NR1H4: variants seen among roughly 807,000 people sequenced by gnomAD.
The protein encoded by NR1H4 is bile acid receptor.
Under a neutral mutation model 58.5 loss-of-function variants are expected in NR1H4, and 23 were observed. That is an observed-to-expected ratio of 0.39 (90% CI 0.28 to 0.56). The LOEUF (loss-of-function observed/expected upper bound fraction) is 0.56. NR1H4 is among the 20% of genes least tolerant of loss of function. NR1H4 has a pLI of 0.58. For missense variants in NR1H4, 487 were observed against 576.9 expected (o/e 0.84, Z 1.60); for synonymous variants, 214 against 198.0 (o/e 1.08, Z -0.68).
chr12:100,542,205 G>A (rs1954954077), intron 9 of NR1H4, among the ~76,000 whole-genome samples: 1 of 152,008 alleles, frequency 6.6e-6, no homozygotes, highest in African/African-American at 2.4e-5. Flanking sequence ...AAATTAGCTG[G>A]GCATGGTAGT....
At chr12:100,534,749 TA>T in intron 5 of NR1H4, 140 bp from the exon 6 acceptor site, 1 of 935,862 alleles carries the variant, frequency 1.1e-6, no homozygotes, top group Non-Finnish European at 1.7e-6. Context: ...CTTCCCTTTC[TA>T]AAATGCATAA....
chr12:100,506,406 G>T (rs561652358), intron 3 of NR1H4, among the ~76,000 whole-genome samples: 1 of 152,252 alleles, frequency 6.6e-6, no homozygotes, highest in South Asian at 2.1e-4. Flanking sequence ...GGCCATGCTG[G>T]TTCTTTGGTT....
intron 1 of NR1H4, among the ~76,000 whole-genome samples, chr12:100,475,457 C>T (rs1191116875): frequency 6.6e-6 from 1 of 152,168 alleles, no homozygotes; most frequent in Non-Finnish European, 1.5e-5. Context: ...AGCAATTTCC[C>T]ACCACGTACC....
intron 4 of NR1H4, among the ~76,000 whole-genome samples, chr12:100,521,081 C>T (rs1954403877): frequency 6.6e-6 from 1 of 151,592 alleles, no homozygotes; most frequent in South Asian, 2.1e-4. Context: ...GAAGATTTGT[C>T]AGTCCTGTGA....
At chr12:100,542,873 A>G (rs888709619) in intron 9 of NR1H4, among the ~76,000 whole-genome samples, 1 of 152,210 alleles carries the variant, frequency 6.6e-6, no homozygotes, top group Non-Finnish European at 1.5e-5. Context: ...TTCTTAATAT[A>G]TTAATTTACT....
chr12:100,480,530 C>T (rs1953356373), intron 1 of NR1H4, among the ~76,000 whole-genome samples: 1 of 152,158 alleles, frequency 6.6e-6, no homozygotes. Flanking sequence ...CCCCCATCTT[C>T]CCACCTCCTA....
chr12:100,552,250 C>A (rs1008086847), intron 9 of NR1H4, among the ~76,000 whole-genome samples: 1 of 151,988 alleles, frequency 6.6e-6, no homozygotes, highest in Non-Finnish European at 1.5e-5. Flanking sequence ...CTAATTAGGC[C>A]GGATAGTTTT....
chr12:100,513,566 G>A (rs1209585472), intron 4 of NR1H4, among the ~76,000 whole-genome samples: 1 of 152,130 alleles, frequency 6.6e-6, no homozygotes, highest in Non-Finnish European at 1.5e-5. Context: ...AGGCCGAGGT[G>A]GGGGGATCAC....
At position 100,519,619 on chromosome 12, in the gene NR1H4, C is replaced by T. The variant is rs370552178; in HGVS notation, c.445+8476C>T. On this transcript the variant is annotated intron_variant, in intron 4 of 10. Coordinates refer to ENST00000392986, the MANE Select transcript of NR1H4 (RefSeq NM_001206979.2). ...TCCCAGAGAAACCATGCTGCCATTT[C>T]ATCTGCTCTATGCCATGCTGGGTGC... Among the ~76,000 whole-genome samples the T allele has an allele frequency of 8.5e-5, 13 of 152,276 alleles. 1 individual carries two copies. The highest frequency in any genetic ancestry group is 2.9e-4 in the African/African-American group (12 of 41,558).
intron 3 of NR1H4, among the ~76,000 whole-genome samples, chr12:100,504,807 ATC>A: frequency 6.6e-6 from 1 of 152,248 alleles, no homozygotes. Context: ...CTTAGGTAGT[ATC>A]TCATACCATC....
At chr12:100,481,151 G>T (rs1953371378) in intron 1 of NR1H4, among the ~76,000 whole-genome samples, 1 of 152,134 alleles carries the variant, frequency 6.6e-6, no homozygotes, top group South Asian at 2.1e-4. Flanking sequence ...TTGATGAGAG[G>T]TGTGGCAAAC....
intron 3 of NR1H4, among the ~76,000 whole-genome samples, chr12:100,502,957 G>A (rs1376224318): frequency 1.3e-5 from 2 of 152,146 alleles, no homozygotes; most frequent in Non-Finnish European, 2.9e-5. Context: ...CCCACAACAC[G>A]TGGGGATTAT....
chr12:100,516,179 A>G (rs1954260626), intron 4 of NR1H4, among the ~76,000 whole-genome samples: 1 of 152,226 alleles, frequency 6.6e-6, no homozygotes, highest in South Asian at 2.1e-4. Context: ...CAAAAGCACA[A>G]TTCAGTAGAA....
chr12:100,530,106 C>T (rs1421378800), intron 4 of NR1H4, among the ~76,000 whole-genome samples: 1 of 152,174 alleles, frequency 6.6e-6, no homozygotes, highest in African/African-American at 2.4e-5. Flanking sequence ...ATGTCTTATT[C>T]ATCTTGGTAT....
At chr12:100,534,845 A>C (rs1426663928) in intron 5 of NR1H4, 45 bp from the exon 6 acceptor site, 2 of 1,612,486 alleles carry the variant, frequency 1.2e-6, no homozygotes, top group Admixed American at 3.3e-5. Context: ...CACACCCAAC[A>C]GTACTTTCTG....
chr12:100,492,113 T>G (rs1344872697), intron 1 of NR1H4, among the ~76,000 whole-genome samples: 1 of 152,228 alleles, frequency 6.6e-6, no homozygotes, highest in Non-Finnish European at 1.5e-5. Context: ...CAGAGTTTAG[T>G]GCAGAATATG....
chr12:100,532,995 AGAATGC>A (rs1954732098), intron 5 of NR1H4, among the ~76,000 whole-genome samples: 1 of 152,236 alleles, frequency 6.6e-6, no homozygotes, highest in Admixed American at 6.5e-5. Context: ...GAAAAAAATG[AGAATGC>A]TTTATAAGGT....
chr12:100,520,967 G>A (rs76978189), intron 4 of NR1H4, among the ~76,000 whole-genome samples: 2,341 of 152,052 alleles, frequency 0.015, 79 homozygotes, highest in Non-Finnish European at 0.016. Flanking sequence ...TGCAAAATAG[G>A]GATATTATCT....
At chr12:100,542,054 G>A (rs965382947) in intron 9 of NR1H4, among the ~76,000 whole-genome samples, 5 of 152,134 alleles carry the variant, frequency 3.3e-5, no homozygotes, top group African/African-American at 1.2e-4. Context: ...GACTTCAGAA[G>A]CTTTGTGTCA....
Sources: gnomAD v4.1 joint callset for allele counts (sites outside exome capture counted in the v4.1 genomes callset) on GRCh38, gnomAD v4.1.1 for gene constraint, MANE v1.5 for transcripts, NCBI Gene and HGNC (gene_info 2026-07-23, HGNC 2026-07-21) for gene names.